SIAH3: variants seen among roughly 807,000 people sequenced by gnomAD.
SIAH3 encodes seven in absentia homolog 3.
In SIAH3, 9 loss-of-function variants were observed where a neutral mutation model predicts 12.6. The observed-to-expected ratio is 0.72, with a 90% CI of 0.43 to 1.25. The LOEUF is 1.25. Among genes scored for constraint, SIAH3 ranks in the 50% most tolerant of loss-of-function variants. The pLI is 0.00. For synonymous variants in SIAH3, 154 were observed against 151.1 expected (o/e 1.02, Z -0.14); for missense variants, 390 against 365.4 (o/e 1.07, Z -0.55).
At chr13:45,846,522 G>A (rs1216496147) in intron 1 of SIAH3, among the ~76,000 whole-genome samples, 2 of 152,192 alleles carry the variant, frequency 1.3e-5, no homozygotes, top group South Asian at 2.1e-4. Flanking sequence ...GTTGGGTGAA[G>A]ATGACTTTGC....
intron 1 of SIAH3, among the ~76,000 whole-genome samples, chr13:45,792,131 C>T (rs891920639): frequency 2.0e-5 from 3 of 152,150 alleles, no homozygotes; most frequent in Non-Finnish European, 4.4e-5. Flanking sequence ...GCAGCCCGTG[C>T]TCTTTCTGGG....
chr13:45,793,532 T>C (rs1178137367), intron 1 of SIAH3, among the ~76,000 whole-genome samples: 1 of 152,154 alleles, frequency 6.6e-6, no homozygotes. Context: ...CAACAAAGGC[T>C]CCAGGTGGGT....
chr13:45,831,596 A>G (rs1324819831), intron 1 of SIAH3, among the ~76,000 whole-genome samples: 1 of 152,158 alleles, frequency 6.6e-6, no homozygotes, highest in Admixed American at 6.6e-5. Context: ...CAAGCAGTTT[A>G]TACTCTAATG....
chr13:45,791,891 G>A lies in SIAH3; in HGVS notation c.136-7834C>T, dbSNP rs7333289. ...TCCTGCACCTTGGCAGGACCCCTGA[G>A]CTAAAAAGGAAGTGCTGTCTCACTT... On this transcript the variant is annotated intron_variant, in intron 1 of 1. Coordinates refer to ENST00000400405, the MANE Select transcript of SIAH3 (RefSeq NM_198849.3). Among the ~76,000 whole-genome samples, 1,466 of 152,212 alleles carry A rather than the reference G, an allele frequency of 9.6e-3. 21 individuals carry two copies. The highest frequency in any genetic ancestry group is 0.034 in the African/African-American group (1,393 of 41,510).
chr13:45,832,415 T>A (rs935618876), intron 1 of SIAH3, among the ~76,000 whole-genome samples: 1 of 152,236 alleles, frequency 6.6e-6, no homozygotes, highest in Non-Finnish European at 1.5e-5. Flanking sequence ...CTTGCCTATT[T>A]GAGAAATTTC....
intron 1 of SIAH3, among the ~76,000 whole-genome samples, chr13:45,848,060 G>T (rs1950766660): frequency 6.6e-6 from 1 of 152,164 alleles, no homozygotes; most frequent in Non-Finnish European, 1.5e-5. Flanking sequence ...TCTTGGTTTA[G>T]AAACAAGCAA....
chr13:45,817,936 G>A (rs1950640203), intron 1 of SIAH3, among the ~76,000 whole-genome samples: 1 of 152,194 alleles, frequency 6.6e-6, no homozygotes, highest in Admixed American at 6.5e-5. Flanking sequence ...CCACCTGCCT[G>A]TTATCTACGT....
intron 1 of SIAH3, among the ~76,000 whole-genome samples, chr13:45,790,076 A>G (rs1025643809): frequency 3.3e-5 from 5 of 152,188 alleles, no homozygotes; most frequent in Non-Finnish European, 7.3e-5. Context: ...CCAGCTGCTA[A>G]GTCAGGACTT....
chr13:45,844,613 A>G (rs894154806), intron 1 of SIAH3, among the ~76,000 whole-genome samples: 7 of 152,166 alleles, frequency 4.6e-5, no homozygotes, highest in African/African-American at 1.4e-4. Flanking sequence ...GTGTGAGCCA[A>G]TTTTCCTAAT....
At chr13:45,826,199 C>T (rs2137573201) in intron 1 of SIAH3, among the ~76,000 whole-genome samples, 1 of 152,274 alleles carries the variant, frequency 6.6e-6, no homozygotes, top group East Asian at 1.9e-4. Context: ...TACTTATTAT[C>T]ATTTTCTTCT....
chr13:45,819,323 G>A (rs1373076737), intron 1 of SIAH3, among the ~76,000 whole-genome samples: 1 of 152,188 alleles, frequency 6.6e-6, no homozygotes, highest in Non-Finnish European at 1.5e-5. Flanking sequence ...ACAGATACAG[G>A]ATGGGAGGAG....
At chr13:45,814,170 C>T (rs1259696491) in intron 1 of SIAH3, among the ~76,000 whole-genome samples, 2 of 134,686 alleles carry the variant, frequency 1.5e-5, no homozygotes, top group African/African-American at 2.8e-5. Flanking sequence ...ACCCGGGAGG[C>T]GGAGCTTGCA....
At chr13:45,785,060 C>T (rs888230512) in intron 1 of SIAH3, among the ~76,000 whole-genome samples, 9 of 152,322 alleles carry the variant, frequency 5.9e-5, no homozygotes, top group South Asian at 2.1e-4. Context: ...TCAGTAATAA[C>T]GTGATGGAGC....
chr13:45,833,105 A>G (rs2137578034), intron 1 of SIAH3, among the ~76,000 whole-genome samples: 1 of 152,374 alleles, frequency 6.6e-6, no homozygotes, highest in East Asian at 1.9e-4. Flanking sequence ...GACCTCTCCC[A>G]TGAGGTACCC....
At chr13:45,838,586 C>T (rs536049071) in intron 1 of SIAH3, among the ~76,000 whole-genome samples, 2 of 152,228 alleles carry the variant, frequency 1.3e-5, no homozygotes, top group South Asian at 4.2e-4. Flanking sequence ...CTGTGACAAG[C>T]AGACATCATG....
chr13:45,817,274 A>G (rs1440667879), intron 1 of SIAH3, among the ~76,000 whole-genome samples: 2 of 152,242 alleles, frequency 1.3e-5, no homozygotes, highest in African/African-American at 4.8e-5. Flanking sequence ...ATTGCCTACA[A>G]TGTTCAATAT....
rs570522413 is a variant in SIAH3, at chr13:45,820,351, C to A, written c.135+31144G>T. Among the ~76,000 whole-genome samples the A allele has an allele frequency of 7.9e-5, 12 of 152,210 alleles. No homozygotes were observed. In the South Asian group the frequency reaches 2.5e-3, roughly 32 times the overall value. On this transcript the variant is annotated intron_variant, in intron 1 of 1. Coordinates refer to ENST00000400405, the MANE Select transcript of SIAH3 (RefSeq NM_198849.3). ...TGAACCTCCTGTGGTGGGGACGGAGCCAGAGATGGGACGAGAAGGGTCTGG... is the reference window on the plus strand; with the variant it reads ...TGAACCTCCTGTGGTGGGGACGGAGACAGAGATGGGACGAGAAGGGTCTGG...
chr13:45,789,109 T>C (rs1950537033), intron 1 of SIAH3, among the ~76,000 whole-genome samples: 1 of 152,128 alleles, frequency 6.6e-6, no homozygotes, highest in South Asian at 2.1e-4. Flanking sequence ...TCAGAAGGAC[T>C]CTAGATGCTT....
At chr13:45,788,785 T>C (rs1310187977) in intron 1 of SIAH3, among the ~76,000 whole-genome samples, 1 of 152,222 alleles carries the variant, frequency 6.6e-6, no homozygotes, top group Non-Finnish European at 1.5e-5. Context: ...AACAGTGCCA[T>C]GCATTTTAGC....
Sources: allele counts gnomAD v4.1 joint callset (sites outside exome capture counted in the v4.1 genomes callset), GRCh38; gene constraint gnomAD v4.1.1; transcripts MANE v1.5; gene names NCBI Gene and HGNC (gene_info 2026-07-23, HGNC 2026-07-21).